The following PDE11A variants were observed in gnomAD, a reference collection of about 807,000 sequenced individuals.
PDE11A encodes the protein phosphodiesterase 11A.
A neutral mutation model predicts 100.5 loss-of-function variants in PDE11A; 100 were observed. That is an observed-to-expected ratio of 1.00 (90% confidence interval 0.85 to 1.18). The LOEUF (loss-of-function observed/expected upper bound fraction) is 1.18. Among genes scored for constraint, PDE11A ranks in the 50% most tolerant of loss-of-function variants. The pLI is 0.00. For synonymous variants in PDE11A, 381 were observed against 420.8 expected, an observed-to-expected ratio of 0.91 and a Z score of 1.16; for missense variants, 1,141 against 1,152.6, an observed-to-expected ratio of 0.99 and a Z score of 0.15.
intron 10 of PDE11A, among the ~76,000 whole-genome samples, chr2:177,730,877 C>A (rs2081677709): frequency 6.6e-6 from 1 of 152,058 alleles, no homozygotes; most frequent in Non-Finnish European, 1.5e-5. Flanking sequence ...CATTGTCATA[C>A]AACAGATCTC....
chr2:177,907,374 C>T (rs1366890063), intron 2 of PDE11A, among the ~76,000 whole-genome samples: 1 of 152,164 alleles, frequency 6.6e-6, no homozygotes, highest in African/African-American at 2.4e-5. Context: ...CATGCTTGCA[C>T]CTTATTCAAG....
intron 9 of PDE11A, among the ~76,000 whole-genome samples, chr2:177,795,461 G>A (rs1473516029): frequency 6.6e-6 from 1 of 152,032 alleles, no homozygotes; most frequent in Non-Finnish European, 1.5e-5. Flanking sequence ...ACCCGCTTCG[G>A]CTTAACTGCC....
chr2:177,647,659 G>A (rs766708922), intron 19 of PDE11A, among the ~76,000 whole-genome samples: 2 of 152,182 alleles, frequency 1.3e-5, no homozygotes, highest in African/African-American at 2.4e-5. Context: ...GAACCATCAA[G>A]TCCATGAATC....
intron 5 of PDE11A, among the ~76,000 whole-genome samples, chr2:177,841,151 T>C (rs181313965): frequency 2.3e-3 from 353 of 152,350 alleles, no homozygotes; most frequent in African/African-American, 7.6e-3. Context: ...AGACACTACA[T>C]AAACAGAAAT....
At position 177,820,292 on chromosome 2, in the gene PDE11A, C is replaced by A; in HGVS notation, c.1504G>T (p.Asp502Tyr). The change falls in exon 7 of 20, where the codon GAC (aspartate) becomes TAC (tyrosine). Residue 502 changes from aspartate (D) to tyrosine (Y), a missense_variant. Transcript: ENST00000286063. ...YQDPRFDAEA[D>Y]QISGFHIRSV... Reference sequence around the variant, plus strand: ...CTTATGTGAAAACCAGATATCTGGTCTGCCTAGGAAACAAGAAAGAAGTTA... The same window carrying A: ...CTTATGTGAAAACCAGATATCTGGTATGCCTAGGAAACAAGAAAGAAGTTA... 6.4e-7 allele frequency: 1 copy of A among 1,552,272 alleles called. No homozygotes were observed. The highest frequency in any genetic ancestry group is 1.1e-5 in the South Asian group (1 of 89,690).
chr2:177,832,305 C>G (rs1244305214), intron 6 of PDE11A, among the ~76,000 whole-genome samples: 1 of 152,154 alleles, frequency 6.6e-6, no homozygotes, highest in Admixed American at 6.5e-5. Context: ...CACCCTTAAT[C>G]TGGGTAGGCA....
intron 2 of PDE11A, among the ~76,000 whole-genome samples, chr2:177,906,906 T>C (rs1248141300): frequency 6.6e-6 from 1 of 152,214 alleles, no homozygotes; most frequent in Non-Finnish European, 1.5e-5. Flanking sequence ...TGTTTTTTTC[T>C]GCCATGGAGA....
intron 2 of PDE11A, among the ~76,000 whole-genome samples, chr2:177,971,094 A>G (rs17330172): frequency 0.063 from 9,547 of 152,254 alleles, 311 homozygotes; most frequent in South Asian, 0.094. Context: ...TATAGGATTG[A>G]GAAGCTGCAT....
chr2:178,007,854 G>A (rs6711886), intron 2 of PDE11A, among the ~76,000 whole-genome samples: 36,067 of 151,756 alleles, frequency 0.24, 4,453 homozygotes, highest in African/African-American at 0.28. Flanking sequence ...ACAGACATGT[G>A]CCACCACAAC....
chr2:177,807,152 G>A (rs115194426), intron 9 of PDE11A, among the ~76,000 whole-genome samples: 1 of 151,856 alleles, frequency 6.6e-6, no homozygotes, highest in East Asian at 1.9e-4. Flanking sequence ...GATCTAAAAG[G>A]AAATGTTAAA....
chr2:177,817,385 T>C (rs7570898), intron 8 of PDE11A, among the ~76,000 whole-genome samples: 61,786 of 152,076 alleles, frequency 0.41, 14,399 homozygotes, highest in African/African-American at 0.64. Flanking sequence ...TGAGGTATTC[T>C]TGATTAGAGA....
intron 5 of PDE11A, among the ~76,000 whole-genome samples, chr2:177,852,957 A>G (rs1574216593): frequency 6.6e-6 from 1 of 152,204 alleles, no homozygotes; most frequent in Non-Finnish European, 1.5e-5. Context: ...CACATTTTCT[A>G]TCTTTTATTT....
Position 177,883,168 on chromosome 2 carries a change from C to T in PDE11A, c.1303-7245G>A, listed in dbSNP as rs192523098. Among the ~76,000 whole-genome samples the T allele has an allele frequency of 1.3e-4, 20 of 151,806 alleles. No individual in the cohort carries two copies. The East Asian group carries it at 3.9e-3, about 30-fold the overall frequency. On this transcript the variant is annotated intron_variant, in intron 4 of 19. Transcript: ENST00000286063. ...CCTGTAATCCCAGCTACTCAGCAGG[C>T]TGAGGCAGGAGAATCGTTTGAATCT...
chr2:178,103,512 T>C (rs965034997), intron 2 of PDE11A, among the ~76,000 whole-genome samples: 1 of 152,078 alleles, frequency 6.6e-6, no homozygotes, highest in Admixed American at 6.6e-5. Context: ...AATTATGTTA[T>C]ATAAATTTCA....
intron 14 of PDE11A, 42 bp downstream of exon 14, chr2:177,701,079 T>A (rs1473802876): frequency 2.8e-6 from 3 of 1,068,900 alleles, no homozygotes; most frequent in Non-Finnish European, 4.4e-6. Context: ...AAGAGTTGTT[T>A]TGGTTTCTGT....
chr2:178,043,604 T>G (rs190480931), intron 1 of PDE11A, among the ~76,000 whole-genome samples: 2 of 152,114 alleles, frequency 1.3e-5, no homozygotes. Context: ...TGCAAAGAAA[T>G]TGAGGCAATT....
intron 2 of PDE11A, among the ~76,000 whole-genome samples, chr2:178,001,865 C>T (rs1194827902): frequency 1.3e-5 from 2 of 152,102 alleles, no homozygotes; most frequent in African/African-American, 4.8e-5. Flanking sequence ...AAATAAACAT[C>T]TTTATGTGTG....
intron 6 of PDE11A, among the ~76,000 whole-genome samples, chr2:177,837,266 G>A (rs2083418242): frequency 6.6e-6 from 1 of 152,144 alleles, no homozygotes; most frequent in Admixed American, 6.5e-5. Flanking sequence ...GGTACTTTAG[G>A]ACAGGATGTG....
intron 1 of PDE11A, among the ~76,000 whole-genome samples, chr2:178,036,224 T>A (rs989880143): frequency 6.6e-6 from 1 of 151,882 alleles, no homozygotes; most frequent in East Asian, 1.9e-4. Flanking sequence ...TTCCTATATA[T>A]CAACAATAGA....
Sources: allele counts gnomAD v4.1 joint callset (sites outside exome capture counted in the v4.1 genomes callset), GRCh38; gene constraint gnomAD v4.1.1; transcripts MANE v1.5; gene names NCBI Gene and HGNC (gene_info 2026-07-23, HGNC 2026-07-21).